Variants in MICU3 observed in about 807,000 individuals in gnomAD.
The protein encoded by MICU3 is calcium uptake protein 3, mitochondrial.
MICU3 carries 62 observed loss-of-function variants against 66.5 expected under a neutral mutation model. That is an observed-to-expected ratio of 0.93 (90% CI 0.76 to 1.15). The LOEUF is 1.15. Among genes scored for constraint, MICU3 ranks in the 50% most tolerant of loss-of-function variants. MICU3 has a pLI of 0.00. For missense variants in MICU3, 779 were observed against 664.4 expected, an observed-to-expected ratio of 1.17 and a Z score of -1.90; for synonymous variants, 308 against 240.7, an observed-to-expected ratio of 1.28 and a Z score of -2.59.
intron 11 of MICU3, among the ~76,000 whole-genome samples, chr8:17,111,816 C>T (rs1189933221): frequency 1.3e-5 from 2 of 152,140 alleles, no homozygotes; most frequent in Non-Finnish European, 2.9e-5. Context: ...TATTAGTTCA[C>T]TTTCACACTG....
chr8:17,074,128 C>A (rs1268184419), intron 3 of MICU3, among the ~76,000 whole-genome samples: 1 of 151,312 alleles, frequency 6.6e-6, no homozygotes, highest in East Asian at 1.9e-4. Context: ...CCTCGTGATC[C>A]GCCCGCCTCG....
intron 1 of MICU3, among the ~76,000 whole-genome samples, chr8:17,055,960 C>A (rs761963273): frequency 3.3e-5 from 5 of 152,156 alleles, no homozygotes; most frequent in African/African-American, 4.8e-5. Context: ...TTAAGTCCTC[C>A]CAGTATGAAA....
chr8:17,129,323 G>A, the MICU3 span, among the ~76,000 whole-genome samples: 1 of 152,058 alleles, frequency 6.6e-6, no homozygotes, highest in Non-Finnish European at 1.5e-5. Context: ...CATAGAAAAA[G>A]GCCCAGAGGT....
At chr8:17,079,773 G>A (rs1253002436) in intron 4 of MICU3, among the ~76,000 whole-genome samples, 1 of 151,964 alleles carries the variant, frequency 6.6e-6, no homozygotes, top group Non-Finnish European at 1.5e-5. Context: ...GAGATTATAG[G>A]TGTGAGCCAC....
At chr8:17,099,289 CTT>C (rs1377628489) in intron 9 of MICU3, among the ~76,000 whole-genome samples, 6 of 151,718 alleles carry the variant, frequency 4.0e-5, no homozygotes, top group African/African-American at 1.5e-4. Context: ...CCAGAAAAGA[CTT>C]TTCAATAAAT....
intron 1 of MICU3, among the ~76,000 whole-genome samples, chr8:17,060,763 G>GT (rs1817709393): frequency 1.3e-5 from 2 of 151,630 alleles, no homozygotes; most frequent in Non-Finnish European, 2.9e-5. Flanking sequence ...CAGGCCTCTG[G>GT]TTATCTCTTT....
Position 17,121,329 on chromosome 8 carries a change from T to G in MICU3, c.*1042T>G, listed in dbSNP as rs1166067653. ...TGCTAAACAGCCAGTAATAATAATT[T>G]AAATATAATTTATTATTTCAAAAGA... On this transcript the variant is annotated 3_prime_UTR_variant, in exon 15 of 15. Coordinates refer to ENST00000318063, the MANE Select transcript of MICU3 (RefSeq NM_181723.3). 2 of 151,836 alleles carry G rather than the reference T, an allele frequency of 1.3e-5. No individual in the cohort carries two copies. The highest frequency in any genetic ancestry group is 4.8e-5 in the African/African-American group (2 of 41,438). 9.4% of individuals were successfully genotyped at this position (151,836 alleles called of 1,614,324 possible).
chr8:17,111,121 A>G lies in MICU3; in HGVS notation c.1258-2972A>G, dbSNP rs569048976. On this transcript the variant is annotated intron_variant, in intron 11 of 14. Coordinates refer to ENST00000318063, the MANE Select transcript of MICU3 (RefSeq NM_181723.3). ...GAGTAATTATATTCAGCATCTTTTTATATGCTTATTGGCCATTTCTTTGGA... is the reference window on the plus strand; with the variant it reads ...GAGTAATTATATTCAGCATCTTTTTGTATGCTTATTGGCCATTTCTTTGGA... Among the ~76,000 whole-genome samples the G allele has an allele frequency of 5.3e-5, 8 of 151,838 alleles. No individual in the cohort carries two copies. The South Asian group carries it at 1.0e-3, about 20-fold the overall frequency.
At chr8:17,055,830 A>G (rs1306339415) in intron 1 of MICU3, among the ~76,000 whole-genome samples, 1 of 152,212 alleles carries the variant, frequency 6.6e-6, no homozygotes, top group Non-Finnish European at 1.5e-5. Flanking sequence ...CATTTGAGGA[A>G]GTTAGCCTAC....
chr8:17,110,904 T>C (rs1385932250), intron 11 of MICU3, among the ~76,000 whole-genome samples: 1 of 152,174 alleles, frequency 6.6e-6, no homozygotes, highest in Non-Finnish European at 1.5e-5. Flanking sequence ...TTCATCCACA[T>C]TGTAGTATGT....
intron 8 of MICU3, among the ~76,000 whole-genome samples, chr8:17,096,433 C>A (rs558373818): frequency 6.6e-6 from 1 of 151,956 alleles, no homozygotes; most frequent in African/African-American, 2.4e-5. Context: ...CTCTTAACTT[C>A]ATCGTTCAAA....
chr8:17,056,354 T>C, intron 1 of MICU3, among the ~76,000 whole-genome samples: 1 of 152,208 alleles, frequency 6.6e-6, no homozygotes. Flanking sequence ...TTAAGGATTG[T>C]GCCAAATGAA....
chr8:17,118,459 G>A (rs755639249), intron 13 of MICU3, among the ~76,000 whole-genome samples: 3 of 152,030 alleles, frequency 2.0e-5, no homozygotes, highest in Non-Finnish European at 4.4e-5. Flanking sequence ...TGAAATACAT[G>A]ATTACTAACT....
chr8:17,127,333 G>T (rs915207096), downstream of MICU3, among the ~76,000 whole-genome samples: 2 of 152,164 alleles, frequency 1.3e-5, no homozygotes, highest in Non-Finnish European at 2.9e-5. Context: ...CTGTCACAAA[G>T]AATCTTTTGA....
chr8:17,055,795 C>T (rs1412422762), intron 1 of MICU3, among the ~76,000 whole-genome samples: 1 of 152,238 alleles, frequency 6.6e-6, no homozygotes, highest in Non-Finnish European at 1.5e-5. Context: ...GAAAGACACA[C>T]ACTTGTGTTG....
At chr8:17,114,015 T>G in intron 11 of MICU3, 78 bp from the exon 12 acceptor site, 1 of 880,906 alleles carries the variant, frequency 1.1e-6, no homozygotes, top group Non-Finnish European at 1.8e-6. Context: ...TTAATCTGTT[T>G]TTTTCTCTTA....
At chr8:17,044,924 C>CA (rs1165770408) in intron 1 of MICU3, among the ~76,000 whole-genome samples, 1 of 152,088 alleles carries the variant, frequency 6.6e-6, no homozygotes, top group Non-Finnish European at 1.5e-5. Context: ...CAGAAATTCT[C>CA]AAAAAACAAT....
intron 1 of MICU3, among the ~76,000 whole-genome samples, chr8:17,053,635 T>A (rs570073169): frequency 1.3e-5 from 2 of 152,282 alleles, no homozygotes; most frequent in South Asian, 4.1e-4. Flanking sequence ...GCTTCTCATC[T>A]TAGTTCTGTC....
chr8:17,057,810 CT>C (rs1240268062), intron 1 of MICU3, among the ~76,000 whole-genome samples: 2 of 151,796 alleles, frequency 1.3e-5, no homozygotes, highest in Non-Finnish European at 2.9e-5. Context: ...CCCTGTTGAC[CT>C]TTTTTTCGTT....
Sources: allele counts gnomAD v4.1 joint callset (sites outside exome capture counted in the v4.1 genomes callset), GRCh38; gene constraint gnomAD v4.1.1; transcripts MANE v1.5; gene names NCBI Gene and HGNC (gene_info 2026-07-23, HGNC 2026-07-21).